Variants in TMIGD3 observed in about 807,000 individuals in gnomAD.
TMIGD3 encodes AD026 protein (AD026).
A neutral mutation model predicts 28.1 loss-of-function variants in TMIGD3; 21 were observed. The ratio of observed to expected loss-of-function variants is 0.75; its 90% CI spans 0.53 to 1.08. The LOEUF is 1.08. TMIGD3 is among the 50% of genes least tolerant of loss of function. The probability of loss-of-function intolerance (pLI) is 0.00; values close to 1 mark genes in which losing one functional copy is unlikely to be tolerated. For missense variants in TMIGD3, 416 were observed against 435.6 expected (o/e 0.96, Z 0.40); for synonymous variants, 151 against 162.1 (o/e 0.93, Z 0.52).
chr1:111,505,618 G>A (rs753539435), upstream of TMIGD3, among the ~76,000 whole-genome samples: 18 of 152,190 alleles, frequency 1.2e-4, no homozygotes, highest in Non-Finnish European at 2.1e-4. Flanking sequence ...CTGGGAAAGA[G>A]GACAGAGAGG....
At chr1:111,542,600 G>C (rs867702708) in intron 1 of TMIGD3, 2 of 154,666 alleles carry the variant, frequency 1.3e-5, no homozygotes, top group African/African-American at 4.8e-5. Context: ...ACTGTAAAGG[G>C]AGCATTTCTC....
At chr1:111,530,911 T>C (rs1017624663) in intron 1 of TMIGD3, among the ~76,000 whole-genome samples, 3 of 152,216 alleles carry the variant, frequency 2.0e-5, no homozygotes, top group Non-Finnish European at 2.9e-5. Flanking sequence ...TCTTCAAACA[T>C]TTTTGCTGTC....
At chr1:111,516,647 G>T (rs569263069) in intron 1 of TMIGD3, among the ~76,000 whole-genome samples, 97 of 152,252 alleles carry the variant, frequency 6.4e-4, no homozygotes, top group African/African-American at 2.1e-3. Flanking sequence ...TTCTGAGAAG[G>T]CCTCAGCTCC....
chr1:111,543,705 G>A (rs897847054), intron 1 of TMIGD3, among the ~76,000 whole-genome samples: 1 of 151,958 alleles, frequency 6.6e-6, no homozygotes, highest in African/African-American at 2.4e-5. Context: ...GAGGGAGGGA[G>A]AAGAGAGGGA....
At chr1:111,489,083 A>C in intron 2 of TMIGD3, 59 bp from the exon 3 acceptor site, 1 of 1,466,818 alleles carries the variant, frequency 6.8e-7, no homozygotes, top group Non-Finnish European at 9.3e-7. Context: ...GTTCTCTCAA[A>C]ACATTGCAGC....
chr1:111,542,208 T>G, intron 1 of TMIGD3: 1 of 563,604 alleles, frequency 1.8e-6, no homozygotes, highest in Non-Finnish European at 3.4e-6. Context: ...ACCAGCTTAA[T>G]GAAACAGACA....
intron 1 of TMIGD3, chr1:111,500,480 A>G: frequency 6.2e-7 from 1 of 1,614,162 alleles, no homozygotes; most frequent in Non-Finnish European, 8.5e-7. Context: ...ATGGGGGTCA[A>G]TCCCACCAGG....
intron 1 of TMIGD3, among the ~76,000 whole-genome samples, chr1:111,556,911 G>T (rs2789530): frequency 2.6e-5 from 4 of 151,144 alleles, no homozygotes; most frequent in African/African-American, 9.7e-5. Flanking sequence ...TTATATATAT[G>T]TATGTACATA....
intron 1 of TMIGD3, among the ~76,000 whole-genome samples, chr1:111,497,179 C>G (rs1654928625): frequency 6.6e-6 from 1 of 152,146 alleles, no homozygotes; most frequent in African/African-American, 2.4e-5. Context: ...GGCACGATCT[C>G]GGCTCACTGC....
At chr1:111,540,858 C>T (rs964400702) in intron 1 of TMIGD3, among the ~76,000 whole-genome samples, 1 of 152,154 alleles carries the variant, frequency 6.6e-6, no homozygotes, top group Non-Finnish European at 1.5e-5. Flanking sequence ...TTCCTAATGC[C>T]CTGTTTCCAA....
intron 1 of TMIGD3, among the ~76,000 whole-genome samples, chr1:111,522,300 G>GT (rs1246090617): frequency 1.3e-5 from 2 of 152,148 alleles, no homozygotes; most frequent in Non-Finnish European, 2.9e-5. Flanking sequence ...CTTCAAAAAA[G>GT]TCTTCTAGGA....
upstream of TMIGD3, chr1:111,505,153 C>T (rs1225891163): frequency 2.1e-6 from 1 of 466,594 alleles, no homozygotes; most frequent in African/African-American, 2.3e-5. Flanking sequence ...AAAAAAGAAG[C>T]CTTTCTCACT....
intron 1 of TMIGD3, among the ~76,000 whole-genome samples, chr1:111,547,472 G>A (rs1365659378): frequency 6.6e-6 from 1 of 152,012 alleles, no homozygotes; most frequent in South Asian, 2.1e-4. Context: ...AAATGTTTGT[G>A]AAAATGGAGT....
In TMIGD3 at chr1:111,562,609, A is replaced by G. The variant is rs979960032; in HGVS notation, c.107+1237T>C. On this transcript the variant is annotated intron_variant, in intron 1 of 5. Transcript: ENST00000369717. ...TGTGTCCCATAAACATCCCACCAAC[A>G]TTTCAGGACTAAAATTGCCAATATT... Among the ~76,000 whole-genome samples the G allele has an allele frequency of 7.2e-5, 11 of 152,202 alleles. No homozygotes were observed. The South Asian group carries it at 8.3e-4, about 11-fold the overall frequency.
intron 1 of TMIGD3, among the ~76,000 whole-genome samples, chr1:111,554,628 C>T (rs1415047934): frequency 6.6e-6 from 1 of 152,178 alleles, no homozygotes; most frequent in Non-Finnish European, 1.5e-5. Context: ...CACACATATA[C>T]CCCTCAAAGG....
At chr1:111,489,605 G>C in intron 2 of TMIGD3, 1 of 1,130,064 alleles carries the variant, frequency 8.8e-7, no homozygotes, top group Non-Finnish European at 1.1e-6. Flanking sequence ...CTAAGGGTGG[G>C]TGAAATATGG....
chr1:111,558,283 T>G (rs1209830293), intron 1 of TMIGD3, among the ~76,000 whole-genome samples: 1 of 151,758 alleles, frequency 6.6e-6, no homozygotes, highest in East Asian at 1.9e-4. Context: ...GCTCAAGTGG[T>G]CCTCTCACCT....
At chr1:111,489,906 A>C (rs534571310) in intron 2 of TMIGD3, among the ~76,000 whole-genome samples, 2 of 152,262 alleles carry the variant, frequency 1.3e-5, no homozygotes, top group Admixed American at 1.3e-4. Flanking sequence ...ATGGCAGGGA[A>C]AGTGTCTGAC....
intron 1 of TMIGD3, among the ~76,000 whole-genome samples, chr1:111,494,317 A>G (rs1474408417): frequency 6.6e-6 from 1 of 152,228 alleles, no homozygotes; most frequent in South Asian, 2.1e-4. Context: ...AAAACCCCAT[A>G]GTCTCAGCCC....
Sources: gnomAD v4.1 joint callset for allele counts (sites outside exome capture counted in the v4.1 genomes callset) on GRCh38, gnomAD v4.1.1 for gene constraint, MANE v1.5 for transcripts, NCBI Gene and HGNC (gene_info 2026-07-23, HGNC 2026-07-21) for gene names.